STAU2: variants seen among roughly 807,000 people sequenced by gnomAD.
STAU2 encodes staufen double-stranded RNA binding protein 2.
STAU2 carries 20 observed loss-of-function variants against 65.9 expected under a neutral mutation model. That is an observed-to-expected ratio of 0.30 (90% CI 0.21 to 0.44). The LOEUF (loss-of-function observed/expected upper bound fraction) is 0.44, where lower values mean the gene tolerates loss of function less well. Ranked by LOEUF, STAU2 falls within the 20% of genes least tolerant of loss-of-function variation. STAU2 has a pLI of 1.00. For missense variants in STAU2, 558 were observed against 683.9 expected (o/e 0.82, Z 2.05); for synonymous variants, 232 against 233.9 (o/e 0.99, Z 0.07).
intron 13 of STAU2, among the ~76,000 whole-genome samples, chr8:73,501,085 A>G (rs1392680458): frequency 6.6e-6 from 1 of 151,934 alleles, no homozygotes; most frequent in African/African-American, 2.4e-5. Flanking sequence ...TGTCTTCTGC[A>G]GTACCAATTC....
intron 4 of STAU2, among the ~76,000 whole-genome samples, chr8:73,705,582 C>A (rs188612095): frequency 6.6e-6 from 1 of 152,176 alleles, no homozygotes; most frequent in Admixed American, 6.5e-5. Flanking sequence ...AAACAATAAT[C>A]TGTAGAAAAA....
chr8:73,446,542 A>G (rs1818477457), intron 13 of STAU2, among the ~76,000 whole-genome samples: 1 of 152,248 alleles, frequency 6.6e-6, no homozygotes, highest in Admixed American at 6.5e-5. Flanking sequence ...TTTCTACTAC[A>G]TTCTGTGAAT....
At chr8:73,525,691 G>GT (rs1563401845) in intron 13 of STAU2, among the ~76,000 whole-genome samples, 1 of 152,218 alleles carries the variant, frequency 6.6e-6, no homozygotes, top group Non-Finnish European at 1.5e-5. Context: ...TTTCAGAGGT[G>GT]TGGGTTACTG....
chr8:73,426,718 C>G (rs1457137069), intron 13 of STAU2, among the ~76,000 whole-genome samples: 1 of 152,016 alleles, frequency 6.6e-6, no homozygotes, highest in African/African-American at 2.4e-5. Context: ...GTTGTGTGCT[C>G]TTTTCATTGA....
At chr8:73,451,997 G>A (rs1241779373) in intron 13 of STAU2, among the ~76,000 whole-genome samples, 1 of 152,198 alleles carries the variant, frequency 6.6e-6, no homozygotes, top group African/African-American at 2.4e-5. Flanking sequence ...TTCCACAGAA[G>A]GATCAGCTTC....
At chr8:73,607,148 A>T (rs939568202) in intron 9 of STAU2, among the ~76,000 whole-genome samples, 1 of 152,228 alleles carries the variant, frequency 6.6e-6, no homozygotes, top group African/African-American at 2.4e-5. Context: ...ACTCTATGTC[A>T]ATTATACCTC....
chr8:73,508,026 T>C (rs1378578379), intron 13 of STAU2, among the ~76,000 whole-genome samples: 3 of 152,218 alleles, frequency 2.0e-5, no homozygotes, highest in East Asian at 1.9e-4. Flanking sequence ...TGTGGCTGGT[T>C]TGATCTTCTG....
chr8:73,583,052 T>G (rs572795418), intron 11 of STAU2, among the ~76,000 whole-genome samples: 3 of 152,222 alleles, frequency 2.0e-5, no homozygotes, highest in African/African-American at 7.2e-5. Context: ...TCTACTTTTG[T>G]CTGATCATGT....
chr8:73,507,570 G>T (rs1822137954), intron 13 of STAU2, among the ~76,000 whole-genome samples: 1 of 152,196 alleles, frequency 6.6e-6, no homozygotes, highest in Non-Finnish European at 1.5e-5. Context: ...AATTCTTAAA[G>T]GCCCTAGGAT....
At chr8:73,649,400 G>C (rs1815648414) in intron 6 of STAU2, among the ~76,000 whole-genome samples, 1 of 152,010 alleles carries the variant, frequency 6.6e-6, no homozygotes, top group South Asian at 2.1e-4. Context: ...TCTCAACACA[G>C]AGGTCCAGGT....
intron 13 of STAU2, among the ~76,000 whole-genome samples, chr8:73,509,822 G>A (rs934714817): frequency 1.7e-4 from 25 of 150,868 alleles, no homozygotes; most frequent in Non-Finnish European, 3.2e-4. Flanking sequence ...ATATACAACT[G>A]GTAAAAAAAA....
At chr8:73,723,879 T>C (rs923443838) in intron 3 of STAU2, among the ~76,000 whole-genome samples, 4 of 152,264 alleles carry the variant, frequency 2.6e-5, no homozygotes, top group African/African-American at 9.6e-5. Context: ...GCATACATGG[T>C]AATCTTTAAC....
At chr8:73,511,101 T>C (rs1014477927) in intron 13 of STAU2, among the ~76,000 whole-genome samples, 1 of 152,236 alleles carries the variant, frequency 6.6e-6, no homozygotes, top group African/African-American at 2.4e-5. Flanking sequence ...ATGGTGTCGG[T>C]GCATGAGATG....
chr8:73,560,643 A>C (rs1808154870), intron 12 of STAU2, among the ~76,000 whole-genome samples: 1 of 152,222 alleles, frequency 6.6e-6, no homozygotes, highest in Non-Finnish European at 1.5e-5. Context: ...GGGAAAATGC[A>C]CTTAGTCCAG....
Position 73,637,720 on chromosome 8 carries a change from AACAAAC to A in STAU2, c.411-20275_411-20270del, listed in dbSNP as rs1196506263. Among the ~76,000 whole-genome samples the A allele has an allele frequency of 3.9e-5, 6 of 151,930 alleles. No homozygotes were observed. The South Asian group carries it at 6.2e-4, about 16-fold the overall frequency. ...GATCTTCAGAGAAAACAAAAACAAAAACAAACACAAACACAAAAACAAAACAAAAAA... is the reference window on the plus strand; with the variant it reads ...GATCTTCAGAGAAAACAAAAACAAAAACAAACACAAAAACAAAACAAAAAA... On this transcript the variant is annotated intron_variant, in intron 6 of 14. Coordinates refer to ENST00000524300, the MANE Select transcript of STAU2 (RefSeq NM_001164380.2).
At chr8:73,438,478 A>G (rs1817878020) in intron 13 of STAU2, among the ~76,000 whole-genome samples, 1 of 152,188 alleles carries the variant, frequency 6.6e-6, no homozygotes, top group Admixed American at 6.5e-5. Flanking sequence ...GCGCAAAGCC[A>G]CTCAGATTGG....
At chr8:73,522,100 T>A (rs1046967280) in intron 13 of STAU2, among the ~76,000 whole-genome samples, 1 of 152,184 alleles carries the variant, frequency 6.6e-6, no homozygotes, top group Non-Finnish European at 1.5e-5. Context: ...TTTACTAAGC[T>A]ACATCTACTT....
At chr8:73,519,492 T>C (rs1822928212) in intron 13 of STAU2, among the ~76,000 whole-genome samples, 1 of 152,142 alleles carries the variant, frequency 6.6e-6, no homozygotes, top group Non-Finnish European at 1.5e-5. Flanking sequence ...GTTAGAACAA[T>C]GAAAAGTTAT....
rs1585806689 is a variant in STAU2, at chr8:73,462,721, AT to A, written c.1531-40020del. 2.6e-5 allele frequency among the ~76,000 whole-genome samples: 4 copies of A among 152,290 alleles called. No homozygotes were observed. The East Asian group carries it at 5.8e-4, about 22-fold the overall frequency. ...CAATAAAACATTATAAACCTAAAAA[AT>A]ATGTAAAAGATTTTCCTTATTCCTG... is the stretch of plus-strand genomic sequence containing the variant. On this transcript the variant is annotated intron_variant, in intron 13 of 14. Transcript: ENST00000524300.
Sources: allele counts gnomAD v4.1 joint callset (sites outside exome capture counted in the v4.1 genomes callset), GRCh38; gene constraint gnomAD v4.1.1; transcripts MANE v1.5; gene names NCBI Gene and HGNC (gene_info 2026-07-23, HGNC 2026-07-21).